Variants in HECW2 observed in about 807,000 individuals in gnomAD.
The protein encoded by HECW2 is E3 ubiquitin-protein ligase HECW2.
In HECW2, 61 loss-of-function variants were observed where a neutral mutation model predicts 175.2. That is an observed-to-expected ratio of 0.35 (90% CI 0.28 to 0.43). HECW2 has a LOEUF of 0.43. Among genes scored for constraint, HECW2 ranks in the 20% least tolerant of loss-of-function variants. HECW2 has a pLI of 1.00. For missense variants in HECW2, 1,524 were observed against 2,000.5 expected (o/e 0.76, Z 4.54); for synonymous variants, 671 against 731.0 (o/e 0.92, Z 1.32).
chr2:196,348,620 C>T (rs1283510571), intron 2 of HECW2, among the ~76,000 whole-genome samples: 1 of 152,008 alleles, frequency 6.6e-6, no homozygotes, highest in Non-Finnish European at 1.5e-5. Flanking sequence ...TGCACTGTAG[C>T]CCAGATGACA....
At chr2:196,289,019 A>C (rs1336178560) in intron 14 of HECW2, 1 of 152,288 alleles carries the variant, frequency 6.6e-6, no homozygotes, top group Non-Finnish European at 1.5e-5. Context: ...TGCTGTGAGC[A>C]CTAAATGAAC....
intron 14 of HECW2, among the ~76,000 whole-genome samples, chr2:196,284,321 G>A (rs62184602): frequency 0.011 from 1,680 of 152,294 alleles, 13 homozygotes; most frequent in Non-Finnish European, 0.018. Context: ...CCCACAAGGG[G>A]CTCTATTTCA....
intron 7 of HECW2, among the ~76,000 whole-genome samples, chr2:196,321,989 A>G (rs1441111926): frequency 6.6e-6 from 1 of 152,258 alleles, no homozygotes; most frequent in Non-Finnish European, 1.5e-5. Context: ...ATGTCAATGA[A>G]TAAATTTTAG....
rs1305956290 is a variant in HECW2, at chr2:196,586,734, G to A, written c.-36+6774C>T. 4 of 87,526 alleles carry A rather than the reference G, an allele frequency of 4.6e-5. No individual in the cohort carries two copies. In the Admixed American group the frequency reaches 5.7e-4, roughly 13 times the overall value. The allele number at this position is 87,526 out of a possible 1,614,324, so 5.4% of individuals were successfully genotyped here. A position where few individuals can be genotyped will look rare whatever the true frequency, so the allele number is the denominator to read the frequency against. On this transcript the variant is annotated intron_variant, in intron 1 of 28. Coordinates refer to ENST00000644978, the MANE Select transcript of HECW2 (RefSeq NM_001348768.2). ...AACTTTTCCACTCTCATGAATAATGGTTAACCAAAAAAAAAAAAACAAAAA... is the reference window on the plus strand; with the variant it reads ...AACTTTTCCACTCTCATGAATAATGATTAACCAAAAAAAAAAAAACAAAAA...
chr2:196,489,209 G>A (rs16852500), intron 1 of HECW2, among the ~76,000 whole-genome samples: 7,448 of 152,190 alleles, frequency 0.049, 219 homozygotes, highest in South Asian at 0.092. Flanking sequence ...TTATAGAAGC[G>A]TATACTGAAC....
chr2:196,498,200 TTA>T (rs1424790810), intron 1 of HECW2, among the ~76,000 whole-genome samples: 1 of 152,204 alleles, frequency 6.6e-6, no homozygotes, highest in African/African-American at 2.4e-5. Flanking sequence ...TAACTGAAAC[TTA>T]TATAAATCTC....
intron 1 of HECW2, among the ~76,000 whole-genome samples, chr2:196,472,656 T>C (rs1028034426): frequency 6.6e-6 from 1 of 151,958 alleles, no homozygotes; most frequent in African/African-American, 2.4e-5. Flanking sequence ...AGTTTCACTC[T>C]GGTTGCCCAG....
chr2:196,247,642 T>A (rs550629834), intron 19 of HECW2, among the ~76,000 whole-genome samples: 2 of 152,200 alleles, frequency 1.3e-5, no homozygotes, highest in Non-Finnish European at 2.9e-5. Context: ...CTAAAGAACT[T>A]CTATATTGTG....
chr2:196,254,207 G>A (rs1329610802), intron 18 of HECW2, among the ~76,000 whole-genome samples, 178 bp from the exon 19 acceptor site: 1 of 152,164 alleles, frequency 6.6e-6, no homozygotes, highest in Non-Finnish European at 1.5e-5. Flanking sequence ...TGCTTTTTGT[G>A]AACCCTGTGG....
At chr2:196,575,802 A>G (rs1690540673) in intron 1 of HECW2, among the ~76,000 whole-genome samples, 1 of 152,230 alleles carries the variant, frequency 6.6e-6, no homozygotes, top group South Asian at 2.1e-4. Context: ...GCTAAGCAGG[A>G]GCAGGCGTGT....
chr2:196,435,509 G>T (rs1002013022), intron 1 of HECW2, among the ~76,000 whole-genome samples: 8 of 152,132 alleles, frequency 5.3e-5, no homozygotes, highest in African/African-American at 1.9e-4. Context: ...CTGAAAGAAA[G>T]AAATAGGCCA....
At chr2:196,546,423 G>A (rs960678202) in intron 1 of HECW2, among the ~76,000 whole-genome samples, 1 of 152,172 alleles carries the variant, frequency 6.6e-6, no homozygotes. Context: ...AACTAAACTT[G>A]TCAGAATTTT....
intron 2 of HECW2, among the ~76,000 whole-genome samples, chr2:196,412,643 T>A (rs915959234): frequency 1.3e-5 from 2 of 152,226 alleles, no homozygotes; most frequent in African/African-American, 2.4e-5. Context: ...GCTTTGAAAT[T>A]TCATGTTCAC....
intron 14 of HECW2, among the ~76,000 whole-genome samples, chr2:196,283,834 T>C (rs1479500953): frequency 1.3e-5 from 2 of 152,180 alleles, no homozygotes; most frequent in Admixed American, 6.5e-5. Flanking sequence ...GTAGGGATTT[T>C]CCCTATTTGG....
intron 21 of HECW2, among the ~76,000 whole-genome samples, chr2:196,231,623 C>T (rs1404061038): frequency 1.3e-5 from 2 of 152,042 alleles, no homozygotes; most frequent in African/African-American, 2.4e-5. Context: ...ACCACCTAGC[C>T]CTTTACAGGA....
intron 1 of HECW2, among the ~76,000 whole-genome samples, chr2:196,448,745 G>T (rs1297951055): frequency 2.0e-5 from 3 of 152,086 alleles, no homozygotes; most frequent in African/African-American, 4.8e-5. Context: ...CCATCACCTT[G>T]TTGAGAAGTA....
At chr2:196,446,507 G>A (rs575843378) in intron 1 of HECW2, among the ~76,000 whole-genome samples, 1 of 152,254 alleles carries the variant, frequency 6.6e-6, no homozygotes, top group African/African-American at 2.4e-5. Flanking sequence ...TTGGCAGCTG[G>A]ACCTACATGG....
intron 1 of HECW2, among the ~76,000 whole-genome samples, chr2:196,512,034 A>C (rs1477970454): frequency 6.6e-6 from 1 of 152,230 alleles, no homozygotes; most frequent in Non-Finnish European, 1.5e-5. Flanking sequence ...TCTATGCCAG[A>C]GGTCACAAAT....
At chr2:196,350,180 A>G (rs1693120079) in intron 2 of HECW2, among the ~76,000 whole-genome samples, 1 of 152,156 alleles carries the variant, frequency 6.6e-6, no homozygotes, top group Non-Finnish European at 1.5e-5. Context: ...CCTGGCTAAC[A>G]TGGTGAAACC....
Sources: allele counts gnomAD v4.1 joint callset (sites outside exome capture counted in the v4.1 genomes callset), GRCh38; gene constraint gnomAD v4.1.1; transcripts MANE v1.5; gene names NCBI Gene and HGNC (gene_info 2026-07-23, HGNC 2026-07-21).